Variants in EPB41L4A observed in about 807,000 individuals in gnomAD.
EPB41L4A encodes the protein erythrocyte membrane protein band 4.1 like 4A.
Under a neutral mutation model 108.6 loss-of-function variants are expected in EPB41L4A, and 100 were observed. The ratio of observed to expected loss-of-function variants is 0.92; its 90% CI spans 0.78 to 1.09. EPB41L4A has a LOEUF of 1.09. Ranked by LOEUF, EPB41L4A falls within the 50% of genes least tolerant of loss-of-function variation. The probability of loss-of-function intolerance (pLI) is 0.00; values close to 1 mark genes in which losing one functional copy is unlikely to be tolerated. For missense variants in EPB41L4A, 1,030 were observed against 842.7 expected, an observed-to-expected ratio of 1.22 and a Z score of -2.75; for synonymous variants, 319 against 289.0, an observed-to-expected ratio of 1.10 and a Z score of -1.05.
exon 14 of EPB41L4A, chr5:112,143,804 G>T: frequency 2.2e-6 from 1 of 449,286 alleles, no homozygotes; most frequent in Non-Finnish European, 4.5e-6. Flanking sequence ...AACCACAGCA[G>T]CCAAGGAGGT....
chr5:112,360,248 C>A (rs1758631767), intron 1 of EPB41L4A, among the ~76,000 whole-genome samples: 1 of 152,138 alleles, frequency 6.6e-6, no homozygotes, highest in Non-Finnish European at 1.5e-5. Context: ...CACAGCAAGA[C>A]CCTGTCTCTA....
At chr5:112,211,499 T>A (rs1399380868) in intron 12 of EPB41L4A, among the ~76,000 whole-genome samples, 1 of 151,964 alleles carries the variant, frequency 6.6e-6, no homozygotes, top group East Asian at 1.9e-4. Context: ...GGAGAATTGC[T>A]TGAACTGGGA....
intron 1 of EPB41L4A, among the ~76,000 whole-genome samples, chr5:112,409,385 G>A (rs569119642): frequency 5.9e-5 from 9 of 152,088 alleles, no homozygotes; most frequent in Non-Finnish European, 1.3e-4. Context: ...CTGCAGGGAC[G>A]AAAATCTTAT....
rs549537554 is a variant in EPB41L4A, at chr5:112,147,077, G to C, written n.995-1079C>G. Reference sequence around the variant, plus strand: ...TGTAATGTGTAAAGTGTAATGTGCTGCTCTAAATTAGTGTGGGTTTTGTGC... The same window carrying C: ...TGTAATGTGTAAAGTGTAATGTGCTCCTCTAAATTAGTGTGGGTTTTGTGC... On this transcript the variant is annotated intron_variant and non_coding_transcript_variant, in intron 12 of 13. Transcript: ENST00000507810. Among the ~76,000 whole-genome samples, 5 of 152,268 alleles carry C rather than the reference G, an allele frequency of 3.3e-5. No homozygotes were observed. The East Asian group carries it at 5.8e-4, about 18-fold the overall frequency.
At chr5:112,217,780 T>A (rs184853136) in intron 12 of EPB41L4A, among the ~76,000 whole-genome samples, 2 of 152,306 alleles carry the variant, frequency 1.3e-5, no homozygotes, top group East Asian at 3.9e-4. Flanking sequence ...ATACATAGAC[T>A]TTTTAGACAC....
At chr5:112,350,927 G>C (rs1758000844) in intron 1 of EPB41L4A, among the ~76,000 whole-genome samples, 1 of 152,170 alleles carries the variant, frequency 6.6e-6, no homozygotes, top group Admixed American at 6.5e-5. Flanking sequence ...ATTCAGCGCT[G>C]CAATAAACAG....
intron 12 of EPB41L4A, among the ~76,000 whole-genome samples, chr5:112,147,646 A>C (rs1429533554): frequency 6.6e-6 from 1 of 151,752 alleles, no homozygotes; most frequent in East Asian, 1.9e-4. Flanking sequence ...TCAAGAAAAA[A>C]AAAAAAAAGA....
chr5:112,360,013 T>C (rs1217381293), intron 1 of EPB41L4A, among the ~76,000 whole-genome samples: 1 of 152,200 alleles, frequency 6.6e-6, no homozygotes, highest in Non-Finnish European at 1.5e-5. Context: ...AAATATTTTA[T>C]CCAGGCTAAC....
At chr5:112,196,740 G>A (rs1761983036) in intron 15 of EPB41L4A, 1 of 152,210 alleles carries the variant, frequency 6.6e-6, no homozygotes, top group African/African-American at 2.4e-5. Context: ...GTGCTGGAAG[G>A]AGTCACACAA....
intron 17 of EPB41L4A, among the ~76,000 whole-genome samples, chr5:112,193,615 G>C (rs1761815670): frequency 6.6e-6 from 1 of 152,122 alleles, no homozygotes; most frequent in Admixed American, 6.5e-5. Context: ...TCATTTTTCA[G>C]AAGAGAAAAA....
At chr5:112,276,911 T>C (rs376395814) in intron 3 of EPB41L4A, among the ~76,000 whole-genome samples, 1 of 152,198 alleles carries the variant, frequency 6.6e-6, no homozygotes, top group South Asian at 2.1e-4. Flanking sequence ...CTCCTTATGC[T>C]ACAGCTTTTT....
chr5:112,358,301 C>A (rs1758496708), intron 1 of EPB41L4A, among the ~76,000 whole-genome samples: 1 of 152,188 alleles, frequency 6.6e-6, no homozygotes, highest in Non-Finnish European at 1.5e-5. Flanking sequence ...TCTCTTACTC[C>A]ATGTTTTTCA....
intron 1 of EPB41L4A, among the ~76,000 whole-genome samples, chr5:112,374,005 T>G (rs578120545): frequency 6.6e-6 from 1 of 152,340 alleles, no homozygotes; most frequent in African/African-American, 2.4e-5. Context: ...AACTCATGTA[T>G]ACACTTGTCA....
chr5:112,360,520 C>T (rs1232167793), intron 1 of EPB41L4A, among the ~76,000 whole-genome samples: 2 of 152,246 alleles, frequency 1.3e-5, no homozygotes, highest in African/African-American at 4.8e-5. Context: ...AGTGATCTGC[C>T]AGCCTCGGCC....
chr5:112,252,771 C>A (rs1323661780), intron 9 of EPB41L4A, among the ~76,000 whole-genome samples: 1 of 151,972 alleles, frequency 6.6e-6, no homozygotes, highest in Non-Finnish European at 1.5e-5. Context: ...ATCATTAGGA[C>A]CCCAAGCCTC....
intron 9 of EPB41L4A, among the ~76,000 whole-genome samples, chr5:112,253,699 T>C (rs1192811007): frequency 6.6e-6 from 1 of 152,154 alleles, no homozygotes; most frequent in Non-Finnish European, 1.5e-5. Context: ...GAAAGGCCTG[T>C]GTGTGTATGG....
intron 1 of EPB41L4A, among the ~76,000 whole-genome samples, chr5:112,356,450 G>A (rs1157385985): frequency 1.3e-5 from 2 of 152,168 alleles, no homozygotes; most frequent in East Asian, 3.8e-4. Context: ...CTCTGATGTG[G>A]CTGATTTACC....
intron 1 of EPB41L4A, among the ~76,000 whole-genome samples, chr5:112,391,564 A>G (rs1760943943): frequency 6.6e-6 from 1 of 152,210 alleles, no homozygotes; most frequent in African/African-American, 2.4e-5. Context: ...AAAGCCTCCA[A>G]GAAATATGGG....
chr5:112,328,763 T>C (rs1050822762), intron 1 of EPB41L4A, among the ~76,000 whole-genome samples: 1 of 152,220 alleles, frequency 6.6e-6, no homozygotes, highest in African/African-American at 2.4e-5. Flanking sequence ...TAGTAAAACT[T>C]CTCAATTCCT....
Sources: gnomAD v4.1 joint callset for allele counts (sites outside exome capture counted in the v4.1 genomes callset) on GRCh38, gnomAD v4.1.1 for gene constraint, MANE v1.5 for transcripts, NCBI Gene and HGNC (gene_info 2026-07-23, HGNC 2026-07-21) for gene names.